Variants in DSE observed in about 807,000 individuals in gnomAD.
DSE encodes the protein dermatan sulfate epimerase, also known as dermatan-sulfate epimerase.
A neutral mutation model predicts 84.4 loss-of-function variants in DSE; 36 were observed. The ratio of observed to expected loss-of-function variants is 0.43; its 90% CI spans 0.33 to 0.56. The LOEUF (loss-of-function observed/expected upper bound fraction) is 0.56, where lower values mean the gene tolerates loss of function less well. Ranked by LOEUF, DSE falls within the 20% of genes least tolerant of loss-of-function variation. The pLI is 0.06. For missense variants in DSE, 862 were observed against 1,169.6 expected (o/e 0.74, Z 3.84); for synonymous variants, 410 against 430.1 (o/e 0.95, Z 0.58).
intron 2 of DSE, among the ~76,000 whole-genome samples, chr6:116,414,092 T>G (rs1782550303): frequency 6.6e-6 from 1 of 152,166 alleles, no homozygotes; most frequent in South Asian, 2.1e-4. Flanking sequence ...TGTCGGTGTA[T>G]TTGTTGCTAG....
intron 2 of DSE, among the ~76,000 whole-genome samples, chr6:116,327,291 C>T (rs1247320059): frequency 1.3e-5 from 2 of 152,176 alleles, no homozygotes; most frequent in African/African-American, 2.4e-5. Flanking sequence ...AAAGACTTTA[C>T]GAGATTATTT....
At chr6:116,360,504 CTT>C (rs140486240) in intron 2 of DSE, among the ~76,000 whole-genome samples, 3,228 of 152,126 alleles carry the variant, frequency 0.021, 111 homozygotes, top group African/African-American at 0.072. Flanking sequence ...TTTTAAAAGA[CTT>C]GAAAATAAAG....
intron 2 of DSE, among the ~76,000 whole-genome samples, chr6:116,415,036 G>T (rs563220610): frequency 6.6e-6 from 1 of 152,318 alleles, no homozygotes; most frequent in East Asian, 1.9e-4. Flanking sequence ...AGCCATCTTT[G>T]TTCCTTTTTC....
intron 1 of DSE, chr6:116,255,699 C>G (rs1772113641): frequency 6.6e-6 from 1 of 152,212 alleles, no homozygotes; most frequent in South Asian, 2.1e-4. Flanking sequence ...TGACACTGCT[C>G]TGTTTCTTTT....
rs1008585878 is a variant in DSE at position 116,424,201 on chromosome 6, C to G, written c.417-2373C>G. Among the ~76,000 whole-genome samples, 46 of 152,170 alleles carry G rather than the reference C, an allele frequency of 3.0e-4. 1 individual carries two copies. The highest frequency in any genetic ancestry group is 2.6e-3 in the Admixed American group (39 of 15,270). On this transcript the variant is annotated intron_variant, in intron 2 of 5. Transcript: ENST00000644252. Reference sequence around the variant, plus strand: ...GCTTCCCTGCCTGGCCCACCAGTCACCATGAGTCAGTGAAGATGATATTCC... The same window carrying G: ...GCTTCCCTGCCTGGCCCACCAGTCAGCATGAGTCAGTGAAGATGATATTCC...
intron 2 of DSE, among the ~76,000 whole-genome samples, chr6:116,411,861 T>A (rs1173065490): frequency 6.6e-6 from 1 of 152,226 alleles, no homozygotes; most frequent in Non-Finnish European, 1.5e-5. Flanking sequence ...GACAATATGA[T>A]TACATTCAGC....
intron 2 of DSE, among the ~76,000 whole-genome samples, chr6:116,361,530 T>A (rs1392106102): frequency 1.3e-5 from 2 of 152,118 alleles, no homozygotes; most frequent in African/African-American, 4.8e-5. Flanking sequence ...ATGGTGCACA[T>A]CTACAGTCCC....
In DSE at chr6:116,435,993, A is replaced by G. The variant is rs1784128452; in HGVS notation, c.1525A>G (p.Lys509Glu). Residue 509 changes from lysine (K) to glutamate (E), a missense_variant, in exon 6 of 6, where the codon AAA becomes GAA. By Grantham distance (56) the Lys-to-Glu change is moderately conservative. Transcript: ENST00000644252. ...TCAGGTCACAGAAGACTGCTCATCA[A>G]AATGGTCTAAATACAAGCATGACCT... The part of the protein sequence containing the change: ...VGQVTEDCSS[K>E]WSKYKHDLAA... 3 of 1,614,176 alleles carry G rather than the reference A, an allele frequency of 1.9e-6. No individual in the cohort carries two copies. Among genetic ancestry groups the G allele is most frequent in the Non-Finnish European group, 2.5e-6 (3 of 1,180,026 alleles).
chr6:116,274,995 A>C (rs1476824687), intron 2 of DSE, among the ~76,000 whole-genome samples: 1 of 152,188 alleles, frequency 6.6e-6, no homozygotes, highest in Non-Finnish European at 1.5e-5. Flanking sequence ...AGGATAATTA[A>C]TTTTTCAATA....
intron 2 of DSE, chr6:116,279,738 G>C: frequency 1.2e-6 from 2 of 1,611,934 alleles, no homozygotes; most frequent in Non-Finnish European, 1.7e-6. Context: ...TCAGGTACTG[G>C]TGTGCGTCCT....
chr6:116,326,629 T>C (rs1010191607), intron 2 of DSE, among the ~76,000 whole-genome samples: 6 of 152,218 alleles, frequency 3.9e-5, no homozygotes, highest in Non-Finnish European at 5.9e-5. Context: ...TCTCTCTTGC[T>C]TGGCCGAGAA....
chr6:116,333,036 G>A (rs531673397), intron 2 of DSE, among the ~76,000 whole-genome samples: 1 of 152,260 alleles, frequency 6.6e-6, no homozygotes, highest in Admixed American at 6.5e-5. Flanking sequence ...AACTGTGGGA[G>A]AAAATATAGA....
intron 2 of DSE, chr6:116,279,153 A>C (rs778165635): frequency 9.3e-6 from 15 of 1,613,754 alleles, no homozygotes; most frequent in Non-Finnish European, 4.2e-6. Context: ...CCATGCGGAG[A>C]GCCTCATGCA....
chr6:116,419,713 T>A (rs1012996905), intron 2 of DSE, among the ~76,000 whole-genome samples: 1 of 152,258 alleles, frequency 6.6e-6, no homozygotes, highest in Non-Finnish European at 1.5e-5. Context: ...TGTAAATTTA[T>A]AATTTTTGTA....
intron 2 of DSE, among the ~76,000 whole-genome samples, chr6:116,328,637 T>G (rs1776768954): frequency 6.6e-6 from 1 of 152,220 alleles, no homozygotes; most frequent in Admixed American, 6.5e-5. Flanking sequence ...TTGTAATGAT[T>G]CAAGCAAGCC....
At chr6:116,406,149 G>A (rs1226632771) in intron 2 of DSE, among the ~76,000 whole-genome samples, 3 of 152,056 alleles carry the variant, frequency 2.0e-5, no homozygotes, top group African/African-American at 7.2e-5. Flanking sequence ...CTCTGCGATG[G>A]GTGACTCACT....
At chr6:116,319,885 A>T (rs755008651) in intron 2 of DSE, among the ~76,000 whole-genome samples, 115 of 152,182 alleles carry the variant, frequency 7.6e-4, no homozygotes, top group Non-Finnish European at 1.4e-3. Flanking sequence ...CAGTCTACCC[A>T]CTATTCTATA....
intron 2 of DSE, among the ~76,000 whole-genome samples, chr6:116,273,587 A>C (rs907481263): frequency 1.3e-5 from 2 of 151,806 alleles, no homozygotes; most frequent in Non-Finnish European, 2.9e-5. Context: ...GGGATGGTCA[A>C]CTCCTCTCAG....
At chr6:116,332,911 G>C (rs1484829438) in intron 2 of DSE, among the ~76,000 whole-genome samples, 1 of 152,158 alleles carries the variant, frequency 6.6e-6, no homozygotes, top group Non-Finnish European at 1.5e-5. Flanking sequence ...TTGCCAGCAA[G>C]TATAAGAAAA....
Sources: gnomAD v4.1 joint callset for allele counts (sites outside exome capture counted in the v4.1 genomes callset) on GRCh38, gnomAD v4.1.1 for gene constraint, MANE v1.5 for transcripts, NCBI Gene and HGNC (gene_info 2026-07-23, HGNC 2026-07-21) for gene names.